The following AOAH variants were observed in gnomAD, a reference collection of about 807,000 sequenced individuals.
AOAH encodes the protein acyloxyacyl hydrolase.
AOAH carries 64 observed loss-of-function variants against 92.2 expected under a neutral mutation model. The observed-to-expected ratio is 0.69, with a 90% CI of 0.57 to 0.86. AOAH has a LOEUF of 0.86. Ranked by LOEUF, AOAH falls within the 40% of genes least tolerant of loss-of-function variation. The probability of loss-of-function intolerance (pLI) is 0.00; values close to 1 mark genes in which losing one functional copy is unlikely to be tolerated. For missense variants in AOAH, 656 were observed against 694.6 expected (o/e 0.94, Z 0.62); for synonymous variants, 263 against 254.5 (o/e 1.03, Z -0.32).
chr7:36,626,028 GGAAAAGGCTTT>G (rs1321757109), intron 6 of AOAH, among the ~76,000 whole-genome samples: 1 of 152,162 alleles, frequency 6.6e-6, no homozygotes, highest in Non-Finnish European at 1.5e-5. Flanking sequence ...GAAAAGTTTT[GGAAAAGGCTTT>G]GAAGGTCACA....
intron 1 of AOAH, among the ~76,000 whole-genome samples, chr7:36,700,526 T>C (rs1243516407): frequency 2.0e-5 from 3 of 152,102 alleles, no homozygotes; most frequent in Admixed American, 2.0e-4. Context: ...GGCTGAATAG[T>C]ATTTTGTTGT....
intron 3 of AOAH, chr7:36,661,295 CAG>C (rs1795199219): frequency 6.6e-6 from 1 of 152,206 alleles, no homozygotes; most frequent in African/African-American, 2.4e-5. Context: ...GGGCTACTCT[CAG>C]AATAAGAGAA....
intron 2 of AOAH, among the ~76,000 whole-genome samples, chr7:36,678,592 T>TGCGC (rs1473265670): frequency 3.7e-5 from 4 of 108,278 alleles, no homozygotes; most frequent in African/African-American, 1.6e-4. Context: ...TGTGTGTGTG[T>TGCGC]GTGTGTGTGC....
intron 11 of AOAH, among the ~76,000 whole-genome samples, chr7:36,605,346 G>C (rs1338968187): frequency 6.6e-6 from 1 of 152,204 alleles, no homozygotes; most frequent in African/African-American, 2.4e-5. Flanking sequence ...CAATGAACTT[G>C]AGATTCTAGG....
chr7:36,646,744 T>G (rs1409887631), intron 4 of AOAH, among the ~76,000 whole-genome samples: 2 of 152,154 alleles, frequency 1.3e-5, no homozygotes, highest in Non-Finnish European at 2.9e-5. Flanking sequence ...TTAGTGGTGA[T>G]GGCCTCATGG....
At chr7:36,572,935 G>A (rs1788234602) in intron 13 of AOAH, among the ~76,000 whole-genome samples, 1 of 152,218 alleles carries the variant, frequency 6.6e-6, no homozygotes, top group Non-Finnish European at 1.5e-5. Context: ...GCCCATTCAA[G>A]GTGGTTTGTT....
chr7:36,629,313 A>T (rs1283093716), intron 6 of AOAH, among the ~76,000 whole-genome samples: 2 of 152,102 alleles, frequency 1.3e-5, no homozygotes, highest in African/African-American at 2.4e-5. Flanking sequence ...CTTGAATTCA[A>T]TTTTTCAAAG....
At chr7:36,693,049 T>A (rs1447673997) in intron 1 of AOAH, among the ~76,000 whole-genome samples, 1 of 151,926 alleles carries the variant, frequency 6.6e-6, no homozygotes, top group East Asian at 1.9e-4. Flanking sequence ...AAATTCAGAG[T>A]CAGTGGGAAT....
rs560177631 is a variant in AOAH, at chr7:36,673,978, T to C, written c.255A>G (p.Leu85=). Residue 85 remains leucine (L), a synonymous_variant, in exon 3 of 21, where the codon TTA becomes TTG. Coordinates refer to ENST00000617537, the MANE Select transcript of AOAH (RefSeq NM_001637.4). The stretch of plus-strand genomic sequence containing the variant: ...TGTCTGATCCAAACTTGTCAATGAC[T>C]AAATAGCAGGTGGTTTTCAAGAACA... ...EKLFLKTTCY[L]VIDKFGSDII... is the part of the protein sequence containing the mutation. The C allele has an allele frequency of 6.2e-7, 1 of 1,610,844 alleles. No individual in the cohort carries two copies. Among genetic ancestry groups the C allele is most frequent in the Non-Finnish European group, 8.5e-7 (1 of 1,177,366 alleles).
chr7:36,537,564 G>A (rs1265552469), intron 16 of AOAH, among the ~76,000 whole-genome samples: 1 of 147,140 alleles, frequency 6.8e-6, no homozygotes, highest in Non-Finnish European at 1.5e-5. Flanking sequence ...TGTTGCCCAG[G>A]GTGGAGGGCA....
At chr7:36,685,450 T>C (rs912453729) in intron 2 of AOAH, among the ~76,000 whole-genome samples, 1 of 152,212 alleles carries the variant, frequency 6.6e-6, no homozygotes, top group Non-Finnish European at 1.5e-5. Context: ...CCAGGCTATG[T>C]TTCCTAGGGC....
intron 13 of AOAH, among the ~76,000 whole-genome samples, chr7:36,569,642 C>T (rs899375238): frequency 6.6e-6 from 1 of 151,104 alleles, no homozygotes; most frequent in African/African-American, 2.4e-5. Context: ...GGAGTTTCCA[C>T]TCTTGCTGCC....
rs2116011052 is a variant in AOAH, at chr7:36,618,319, T to C, written c.729A>G (p.Pro243=). The change falls in exon 10 of 21, where the codon CCA becomes CCG. Residue 243 remains proline, a synonymous_variant. Transcript: ENST00000617537. ...TACCTTCACAGAATTTCTTCTCATA[T>C]GGAACTCCATCTTTTGGATCGACAC... ...IWGVDPKDGV[P]YEKKFCEGSQ... is the part of the protein sequence containing the mutation. 6.2e-7 allele frequency: 1 copy of C among 1,614,052 alleles called. No individual in the cohort carries two copies. The highest frequency in any genetic ancestry group is 8.5e-7 in the Non-Finnish European group (1 of 1,179,914).
intron 15 of AOAH, among the ~76,000 whole-genome samples, chr7:36,545,324 C>A (rs1358422782): frequency 6.6e-6 from 1 of 152,180 alleles, no homozygotes; most frequent in Non-Finnish European, 1.5e-5. Context: ...CCTTATCATT[C>A]CCTTTGCTAC....
chr7:36,674,076 G>T, intron 2 of AOAH, 67 bp from the exon 3 acceptor site: 1 of 863,682 alleles, frequency 1.2e-6, no homozygotes, highest in Non-Finnish European at 1.9e-6. Flanking sequence ...CCTTAATAAT[G>T]ATTATCTTTG....
chr7:36,571,573 C>T (rs1168300350), intron 13 of AOAH, among the ~76,000 whole-genome samples: 1 of 152,244 alleles, frequency 6.6e-6, no homozygotes, highest in South Asian at 2.1e-4. Flanking sequence ...ACAGCCATCT[C>T]CTGCCTCTCA....
intron 1 of AOAH, among the ~76,000 whole-genome samples, chr7:36,689,823 A>G (rs1797273007): frequency 6.6e-6 from 1 of 152,224 alleles, no homozygotes; most frequent in Non-Finnish European, 1.5e-5. Context: ...AATCAATGGC[A>G]TAATAGACTT....
At chr7:36,656,103 T>C (rs1173788142) in intron 4 of AOAH, among the ~76,000 whole-genome samples, 1 of 152,004 alleles carries the variant, frequency 6.6e-6, no homozygotes, top group Admixed American at 6.6e-5. Flanking sequence ...ATCTGTGGCA[T>C]CAATGTGGAA....
At chr7:36,654,556 T>C (rs1794768264) in intron 4 of AOAH, among the ~76,000 whole-genome samples, 1 of 152,158 alleles carries the variant, frequency 6.6e-6, no homozygotes, top group African/African-American at 2.4e-5. Context: ...CAGATCTCTG[T>C]TGCTCTGCTC....
Sources: allele counts gnomAD v4.1 joint callset (sites outside exome capture counted in the v4.1 genomes callset), GRCh38; gene constraint gnomAD v4.1.1; transcripts MANE v1.5; gene names NCBI Gene and HGNC (gene_info 2026-07-23, HGNC 2026-07-21).